SUMO4: variants seen among roughly 807,000 people sequenced by gnomAD.
SUMO4 encodes small ubiquitin-related modifier 4.
SUMO4 carries 6 observed loss-of-function variants against 7.7 expected under a neutral mutation model. That is an observed-to-expected ratio of 0.78 (90% CI 0.43 to 1.53). The LOEUF is 1.53. Ranked by LOEUF, SUMO4 falls within the 40% of genes most tolerant of loss-of-function variation. SUMO4 has a pLI of 0.01. For missense variants in SUMO4, 113 were observed against 113.6 expected (o/e 0.99, Z 0.03); for synonymous variants, 43 against 41.2 (o/e 1.04, Z -0.17).
rs237023 is a variant in SUMO4 at position 149,400,904 on chromosome 6, A to G, written c.*225A>G. On this transcript the variant is annotated 3_prime_UTR_variant, in exon 1 of 1. Coordinates refer to ENST00000326669, the MANE Select transcript of SUMO4 (RefSeq NM_001002255.2). ...TTCTTCAAACCAAACAGCCAATGGT[A>G]TGTTTTGATTGACATCAAGTGGAGA... The G allele has an allele frequency of 1, 542,667 of 543,030 alleles. 271,152 individuals are homozygous for G. The highest frequency in any genetic ancestry group is 1 in the East Asian group (32,066 of 32,066). The allele number at this position is 543,030 out of a possible 1,614,324, so 33.6% of individuals were successfully genotyped here.
rs764530872 is a variant in SUMO4, at chr6:149,400,500, C to A, written c.109C>A (p.Gln37Lys). 3 of 1,614,110 alleles carry A rather than the reference C, an allele frequency of 1.9e-6. No homozygotes were observed. The Admixed American group carries it at 5.0e-5, about 27-fold the overall frequency. The change falls in exon 1 of 1, where the codon CAG (glutamine) becomes AAG (lysine). Residue 37 changes from glutamine to lysine, a missense_variant. Physicochemically the swap from Gln to Lys is moderately conservative, Grantham distance 53. Coordinates refer to ENST00000326669, the MANE Select transcript of SUMO4 (RefSeq NM_001002255.2). The stretch of plus-strand genomic sequence containing the variant: ...TGTGGTGCAGTTTAAGATTAAGAGG[C>A]AGACACCACTTAGTAAACTAATGAA... ...GSVVQFKIKR[Q>K]TPLSKLMKAY... is the part of the protein sequence containing the mutation.
chr6:149,400,440 C>T lies in SUMO4; in HGVS notation c.49C>T (p.His17Tyr). ...AGAAGTCAAGACTGAGAACAACAAT[C>T]ATATTAATTTGAAGGTGGCGGGACA... ...TEEVKTENNN[H>Y]INLKVAGQDG... The change falls in exon 1 of 1, where the codon CAT becomes TAT. Residue 17 changes from histidine (H) to tyrosine (Y), a missense_variant. Coordinates refer to ENST00000326669, the MANE Select transcript of SUMO4 (RefSeq NM_001002255.2). The T allele has an allele frequency of 1.9e-6, 3 of 1,614,216 alleles. No homozygotes were observed. Among genetic ancestry groups the T allele is most frequent in the Non-Finnish European group, 2.5e-6 (3 of 1,180,048 alleles).
Position 149,400,346 on chromosome 6 carries a change from C to T in SUMO4, c.-46C>T, listed in dbSNP as rs996349249. ...CGTGTACTCGTTAGGTGCGGACCCG[C>T]CACCTCTTTTGTGAAGCAGCAGCTG... On this transcript the variant is annotated 5_prime_UTR_variant, in exon 1 of 1. Coordinates refer to ENST00000326669, the MANE Select transcript of SUMO4 (RefSeq NM_001002255.2). The T allele has an allele frequency of 6.3e-7, 1 of 1,594,840 alleles. No homozygotes were observed. The highest frequency in any genetic ancestry group is 8.5e-7 in the Non-Finnish European group (1 of 1,170,522).
chr6:149,400,708 C>G lies in SUMO4; in HGVS notation c.*29C>G. On this transcript the variant is annotated 3_prime_UTR_variant, in exon 1 of 1. Transcript: ENST00000326669. ...GGGAACCTGCTTCTTTACTCCAGAA[C>G]GCTGTTCTTTAAAGACCAAGATTAC... 6.2e-7 allele frequency: 1 copy of G among 1,602,536 alleles called. No homozygotes were observed. Among genetic ancestry groups the G allele is most frequent in the South Asian group, 1.1e-5 (1 of 88,906 alleles).
In SUMO4 at chr6:149,400,675, A is replaced by C. The variant is rs768974962; in HGVS notation, c.284A>C (p.Tyr95Ser). 1 of 1,613,638 alleles carries C rather than the reference A, an allele frequency of 6.2e-7. No homozygotes were observed. The highest frequency in any genetic ancestry group is 8.5e-7 in the Non-Finnish European group (1 of 1,179,744). ...DVFQQPTGGV[Y>S] is the part of the protein sequence containing the mutation. ...TTTCAACAGCCTACGGGAGGTGTCT[A>C]CTGAAAAGGGAACCTGCTTCTTTAC... The change falls in exon 1 of 1, where the codon TAC becomes TCC. Residue 95 changes from tyrosine to serine, a missense_variant. Tyr to Ser is a moderately radical substitution (Grantham distance 144). Coordinates refer to ENST00000326669, the MANE Select transcript of SUMO4 (RefSeq NM_001002255.2).
Position 149,400,769 on chromosome 6 carries a change from C to A in SUMO4, c.*90C>A. The A allele has an allele frequency of 7.1e-7, 1 of 1,403,182 alleles. No homozygotes were observed. The highest frequency in any genetic ancestry group is 9.8e-7 in the Non-Finnish European group (1 of 1,020,400). 86.9% of individuals were successfully genotyped at this position (1,403,182 alleles called of 1,614,324 possible). On this transcript the variant is annotated 3_prime_UTR_variant, in exon 1 of 1. Transcript: ENST00000326669. ...ATTAGAAAACTGCAATTTGGTTCCA[C>A]CACATTCTGACTACTACAGTATAGT...
rs1040787910 is a variant in SUMO4, at chr6:149,400,546, G to GAT, written c.156_157dup (p.Leu53TyrfsTer4). 1.4e-5 allele frequency: 22 copies of GAT among 1,614,138 alleles called. No individual in the cohort carries two copies. Among genetic ancestry groups the GAT allele is most frequent in the Non-Finnish European group, 1.9e-5 (22 of 1,180,054 alleles). ...ATGAAAGCCTATTGTGAACCACGGG[G>GAT]ATTGTCAGTGAAGCAGATCAGATTC... On this transcript the variant is annotated frameshift_variant, in exon 1 of 1. Transcript: ENST00000326669. LOFTEE classifies it high-confidence loss of function.
Position 149,400,593 on chromosome 6 carries a change from A to G in SUMO4, c.202A>G (p.Ser68Gly), listed in dbSNP as rs1329784625. ...IRFRFGGQPI[S>G]GTDKPAQLEM... is the part of the protein sequence containing the mutation. ...ATTCCGATTTGGTGGGCAACCAATC[A>G]GTGGAACAGACAAACCTGCACAGTT... The change falls in exon 1 of 1, where the codon AGT (serine) becomes GGT (glycine). Residue 68 changes from serine to glycine, a missense_variant. By Grantham distance (56) the Ser-to-Gly change is moderately conservative (BLOSUM62 0). Transcript: ENST00000326669. 1 of 1,614,262 alleles carries G rather than the reference A, an allele frequency of 6.2e-7. No homozygotes were observed. The highest frequency in any genetic ancestry group is 8.5e-7 in the Non-Finnish European group (1 of 1,180,046).
rs1334921492 is a variant in SUMO4 at position 149,400,290 on chromosome 6, G to A, written c.-102G>A. 1.4e-5 allele frequency: 18 copies of A among 1,327,050 alleles called. No individual in the cohort carries two copies. The highest frequency in any genetic ancestry group is 1.0e-4 in the African/African-American group (7 of 68,646). The allele number at this position is 1,327,050 out of a possible 1,614,324, so 82.2% of individuals were successfully genotyped here. A position where few individuals can be genotyped will look rare whatever the true frequency, so the allele number is the denominator to read the frequency against. ...GCACGCACCCTCTCCCTCATCCACC[G>A]CTGTCACCTCCTGCTGCTCTTCCTG... On this transcript the variant is annotated 5_prime_UTR_variant, in exon 1 of 1. Transcript: ENST00000326669.
chr6:149,400,371 G>A lies in SUMO4; in HGVS notation c.-21G>A. 1 of 1,611,702 alleles carries A rather than the reference G, an allele frequency of 6.2e-7. No homozygotes were observed. The highest frequency in any genetic ancestry group is 8.5e-7 in the Non-Finnish European group (1 of 1,178,846). On this transcript the variant is annotated 5_prime_UTR_variant, in exon 1 of 1. Coordinates refer to ENST00000326669, the MANE Select transcript of SUMO4 (RefSeq NM_001002255.2). ...CCACCTCTTTTGTGAAGCAGCAGCTGAGGAGACTCCGGTGTTCACCATGGC... is the reference window on the plus strand; with the variant it reads ...CCACCTCTTTTGTGAAGCAGCAGCTAAGGAGACTCCGGTGTTCACCATGGC...
Position 149,400,873 on chromosome 6 carries a change from G to T in SUMO4, c.*194G>T. 3 of 616,826 alleles carry T rather than the reference G, an allele frequency of 4.9e-6. No homozygotes were observed. Among genetic ancestry groups the T allele is most frequent in the South Asian group, 2.7e-5 (1 of 36,616 alleles). The allele number at this position is 616,826 out of a possible 1,614,324, so 38.2% of individuals were successfully genotyped here. A position where few individuals can be genotyped will look rare whatever the true frequency, so the allele number is the denominator to read the frequency against. On this transcript the variant is annotated 3_prime_UTR_variant, in exon 1 of 1. Coordinates refer to ENST00000326669, the MANE Select transcript of SUMO4 (RefSeq NM_001002255.2). ...ACTGGTATGTGTACACAAGCATATT[G>T]CTTTTTTCTTCAAACCAAACAGCCA...
At position 149,400,579 on chromosome 6, in the gene SUMO4, G is replaced by T. The variant is rs1782347759; in HGVS notation, c.188G>T (p.Gly63Val). 2.5e-6 allele frequency: 4 copies of T among 1,614,220 alleles called. No homozygotes were observed. Among genetic ancestry groups the T allele is most frequent in the Non-Finnish European group, 3.4e-6 (4 of 1,180,042 alleles). ...LSVKQIRFRF[G>V]GQPISGTDKP... ...GTGAAGCAGATCAGATTCCGATTTG[G>T]TGGGCAACCAATCAGTGGAACAGAC... is the stretch of plus-strand genomic sequence containing the variant. The change falls in exon 1 of 1, where the codon GGT becomes GTT. Residue 63 changes from glycine to valine, a missense_variant. Gly to Val is a moderately radical substitution (Grantham distance 109, BLOSUM62 -3). Transcript: ENST00000326669.
chr6:149,400,730 T>TA lies in SUMO4; in HGVS notation c.*51_*52insA. ...GAACGCTGTTCTTTAAAGACCAAGA[T>TA]TACTGCATTCTCAATTAGAAAACTG... On this transcript the variant is annotated 3_prime_UTR_variant, in exon 1 of 1. Coordinates refer to ENST00000326669, the MANE Select transcript of SUMO4 (RefSeq NM_001002255.2). 1 of 1,573,706 alleles carries TA rather than the reference T, an allele frequency of 6.4e-7. No individual in the cohort carries two copies. The highest frequency in any genetic ancestry group is 8.6e-7 in the Non-Finnish European group (1 of 1,159,960).
Position 149,400,272 on chromosome 6 carries a change from C to G in SUMO4, c.-120C>G. ...GGAGGGAGCCCAGGATGTGCACGCA[C>G]CCTCTCCCTCATCCACCGCTGTCAC... On this transcript the variant is annotated 5_prime_UTR_variant, in exon 1 of 1. Coordinates refer to ENST00000326669, the MANE Select transcript of SUMO4 (RefSeq NM_001002255.2). The G allele has an allele frequency of 1.8e-6, 2 of 1,111,278 alleles. No individual in the cohort carries two copies. Among genetic ancestry groups the G allele is most frequent in the Non-Finnish European group, 2.5e-6 (2 of 784,678 alleles). The allele number at this position is 1,111,278 out of a possible 1,614,324, so 68.8% of individuals were successfully genotyped here.
In SUMO4 at chr6:149,400,499, G is replaced by A; in HGVS notation, c.108G>A (p.Arg36=). Residue 36 remains arginine (R), a synonymous_variant, in exon 1 of 1, where the codon AGG becomes AGA. Transcript: ENST00000326669. ...DGSVVQFKIK[R]QTPLSKLMKA... ...CTGTGGTGCAGTTTAAGATTAAGAGGCAGACACCACTTAGTAAACTAATGA... is the reference window on the plus strand; with the variant it reads ...CTGTGGTGCAGTTTAAGATTAAGAGACAGACACCACTTAGTAAACTAATGA... 6.2e-7 allele frequency: 1 copy of A among 1,614,222 alleles called. No homozygotes were observed. Among genetic ancestry groups the A allele is most frequent in the Non-Finnish European group, 8.5e-7 (1 of 1,180,040 alleles).
chr6:149,400,274 C>T lies in SUMO4; in HGVS notation c.-118C>T. 1 of 1,147,704 alleles carries T rather than the reference C, an allele frequency of 8.7e-7. No homozygotes were observed. Among genetic ancestry groups the T allele is most frequent in the East Asian group, 2.5e-5 (1 of 40,330 alleles). The allele number at this position is 1,147,704 out of a possible 1,614,324, so 71.1% of individuals were successfully genotyped here. A position where few individuals can be genotyped will look rare whatever the true frequency, so the allele number is the denominator to read the frequency against. On this transcript the variant is annotated 5_prime_UTR_variant, in exon 1 of 1. Coordinates refer to ENST00000326669, the MANE Select transcript of SUMO4 (RefSeq NM_001002255.2). ...AGGGAGCCCAGGATGTGCACGCACC[C>T]TCTCCCTCATCCACCGCTGTCACCT...
At position 149,400,356 on chromosome 6, in the gene SUMO4, T is replaced by C. The variant is rs1291644129; in HGVS notation, c.-36T>C. The C allele has an allele frequency of 9.3e-6, 15 of 1,604,336 alleles. No homozygotes were observed. Among genetic ancestry groups the C allele is most frequent in the Non-Finnish European group, 1.2e-5 (14 of 1,175,308 alleles). On this transcript the variant is annotated 5_prime_UTR_variant, in exon 1 of 1. Transcript: ENST00000326669. ...TTAGGTGCGGACCCGCCACCTCTTT[T>C]GTGAAGCAGCAGCTGAGGAGACTCC...
Position 149,401,165 on chromosome 6 carries a change from G to A in SUMO4, c.*486G>A, listed in dbSNP as rs971647165. ...TGTGTACATAGCTGTTACATGTAGG[G>A]CAATCTGTCTTTAAGTAGGGATAAA... is the stretch of plus-strand genomic sequence containing the variant. On this transcript the variant is annotated 3_prime_UTR_variant, in exon 1 of 1. Transcript: ENST00000326669. The A allele has an allele frequency of 1.2e-5, 2 of 166,952 alleles. No individual in the cohort carries two copies. The highest frequency in any genetic ancestry group is 2.9e-5 in the Non-Finnish European group (2 of 68,310). 10.3% of individuals were successfully genotyped at this position (166,952 alleles called of 1,614,324 possible). A position where few individuals can be genotyped will look rare whatever the true frequency, so the allele number is the denominator to read the frequency against.
rs988907202 is a variant in SUMO4 at position 149,400,776 on chromosome 6, C to G, written c.*97C>G. 3.9e-6 allele frequency: 5 copies of G among 1,284,276 alleles called. No homozygotes were observed. The East Asian group carries it at 6.9e-5, about 18-fold the overall frequency. The allele number at this position is 1,284,276 out of a possible 1,614,324, so 79.6% of individuals were successfully genotyped here. A position where few individuals can be genotyped will look rare whatever the true frequency, so the allele number is the denominator to read the frequency against. On this transcript the variant is annotated 3_prime_UTR_variant, in exon 1 of 1. Transcript: ENST00000326669. The stretch of plus-strand genomic sequence containing the variant: ...AACTGCAATTTGGTTCCACCACATT[C>G]TGACTACTACAGTATAGTTTTCTCT...
Sources: gnomAD v4.1 joint callset for allele counts on GRCh38, gnomAD v4.1.1 for gene constraint, MANE v1.5 for transcripts, NCBI Gene and HGNC (gene_info 2026-07-23, HGNC 2026-07-21) for gene names.